The following TFRC variants were observed in gnomAD, a reference collection of about 807,000 sequenced individuals.
TFRC encodes transferrin receptor, also known as transferrin receptor protein 1.
In TFRC, 35 loss-of-function variants were observed where a neutral mutation model predicts 85.8. The observed-to-expected ratio is 0.41, with a 90% confidence interval of 0.31 to 0.54. TFRC has a LOEUF of 0.54. TFRC is among the 20% of genes least tolerant of loss of function. The pLI is 0.31. For synonymous variants in TFRC, 362 were observed against 328.6 expected, an observed-to-expected ratio of 1.10 and a Z score of -1.10; for missense variants, 828 against 921.5, an observed-to-expected ratio of 0.90 and a Z score of 1.31.
chr3:196,059,705 T>C (rs1248103370), intron 14 of TFRC, among the ~76,000 whole-genome samples: 1 of 151,772 alleles, frequency 6.6e-6, no homozygotes, highest in African/African-American at 2.4e-5. Flanking sequence ...GCTGGTGCAC[T>C]GCACCCACTA....
In TFRC at chr3:196,064,301, T is replaced by C. The variant is rs1717527309; in HGVS notation, c.1318+8A>G. The C allele has an allele frequency of 1.9e-6, 3 of 1,605,132 alleles. No homozygotes were observed. Among genetic ancestry groups the C allele is most frequent in the East Asian group, 2.2e-5 (1 of 44,738 alleles). On this transcript the variant is annotated splice_region_variant and intron_variant, in intron 11 of 18. Coordinates refer to ENST00000360110, the MANE Select transcript of TFRC (RefSeq NM_001128148.3). ...CAATATTCAAAAGAATCAAAATTTG[T>C]ACTCTACCTTTTAAGACCATATCTG... is the stretch of plus-strand genomic sequence containing the variant.
chr3:196,076,000 T>C (rs567479991), intron 2 of TFRC, among the ~76,000 whole-genome samples: 1 of 149,050 alleles, frequency 6.7e-6, no homozygotes, highest in East Asian at 2.0e-4. Context: ...TAGCTGGGCA[T>C]GGTGTCGCAC....
chr3:196,073,875 C>T, intron 4 of TFRC, 55 bp downstream of exon 4: 1 of 1,544,480 alleles, frequency 6.5e-7, no homozygotes, highest in South Asian at 1.2e-5. Context: ...TCCCCGTGGC[C>T]TATCATAATT....
intron 6 of TFRC, among the ~76,000 whole-genome samples, chr3:196,070,810 A>AATAATAATAATAATAAT (rs1560084312): frequency 3.2e-5 from 2 of 63,470 alleles, no homozygotes; most frequent in Non-Finnish European, 5.5e-5. Context: ...ATAATAATAA[A>AATAATAATAATAATAAT]ATAAAAAATA....
rs767665648 is a variant in TFRC, at chr3:196,053,576, C to T, written c.1900-18G>A. The T allele has an allele frequency of 9.9e-6, 16 of 1,612,714 alleles. No homozygotes were observed. Among genetic ancestry groups the T allele is most frequent in the Middle Eastern group, 3.3e-4 (2 of 6,078 alleles). ...CCCATTTCCTGAAACAGACATTATT[C>T]GCTATGAGAAGTTTTATTTCTAAGG... On this transcript the variant is annotated intron_variant, in intron 17 of 18. Coordinates refer to ENST00000360110, the MANE Select transcript of TFRC (RefSeq NM_001128148.3).
rs1716337143 is a variant in TFRC at position 196,051,887 on chromosome 3, CAA to C, written c.*53_*54del. 1.5e-5 allele frequency: 23 copies of C among 1,579,220 alleles called. No homozygotes were observed. The highest frequency in any genetic ancestry group is 2.0e-5 in the Non-Finnish European group (23 of 1,162,644). On this transcript the variant is annotated 3_prime_UTR_variant, in exon 19 of 19. Coordinates refer to ENST00000360110, the MANE Select transcript of TFRC (RefSeq NM_001128148.3). ...TACTGAAAATTTAGCACGATCAGCA[CAA>C]GTCTAGAAACCAGACTACCCTGCTG...
intron 3 of TFRC, 152 bp downstream of exon 3, chr3:196,075,007 C>T (rs1718542121): frequency 1.1e-5 from 8 of 718,156 alleles, no homozygotes; most frequent in Admixed American, 6.3e-5. Flanking sequence ...CATGGTGCCA[C>T]TGCACTCTAG....
intron 10 of TFRC, among the ~76,000 whole-genome samples, chr3:196,064,801 G>C (rs1717578198): frequency 6.6e-6 from 1 of 152,324 alleles, no homozygotes; most frequent in African/African-American, 2.4e-5. Flanking sequence ...CCACAGAGTT[G>C]AACAGCTAAA....
intron 11 of TFRC, chr3:196,063,300 T>C (rs1717440126): frequency 6.3e-6 from 1 of 159,002 alleles, no homozygotes; most frequent in African/African-American, 2.4e-5. Context: ...AGCATGATGA[T>C]GCACATCTTG....
chr3:196,072,578 T>C (rs1718301556), intron 4 of TFRC, among the ~76,000 whole-genome samples: 2 of 152,312 alleles, frequency 1.3e-5, no homozygotes, highest in South Asian at 4.1e-4. Flanking sequence ...CTTCTTTCTA[T>C]TTACTCAGCA....
chr3:196,068,525 C>T (rs751006246), intron 7 of TFRC, among the ~76,000 whole-genome samples: 11 of 143,064 alleles, frequency 7.7e-5, no homozygotes, highest in African/African-American at 1.0e-4. Context: ...GCAGGAGAAT[C>T]GCTTGAAACC....
Position 196,068,103 on chromosome 3 carries a change from T to A in TFRC, c.829A>T (p.Ile277Phe). 1 of 1,612,946 alleles carries A rather than the reference T, an allele frequency of 6.2e-7. No homozygotes were observed. ...TGGTCCATGTATATCAACACACCAA[T>A]TGCATTTAAGCTTTCAGCATTTGCA... ...KVANAESLNA[I>F]GVLIYMDQTK... Residue 277 changes from isoleucine (I) to phenylalanine (F), a missense_variant, in exon 8 of 19, where the codon ATT (isoleucine) becomes TTT (phenylalanine). Transcript: ENST00000360110.
At chr3:196,058,226 C>T (rs1716976297) in intron 16 of TFRC, 58 bp downstream of exon 16, 4 of 1,426,118 alleles carry the variant, frequency 2.8e-6, no homozygotes, top group Non-Finnish European at 3.9e-6. Context: ...TTCCCAAATA[C>T]AGATCACTTC....
intron 13 of TFRC, among the ~76,000 whole-genome samples, chr3:196,062,096 C>CA (rs918059365): frequency 2.0e-5 from 3 of 151,296 alleles, no homozygotes; most frequent in African/African-American, 7.3e-5. Flanking sequence ...CCCATCTCTA[C>CA]AAAAAAAATT....
chr3:196,077,009 T>C, intron 2 of TFRC, 55 bp downstream of exon 2: 2 of 1,518,514 alleles, frequency 1.3e-6, no homozygotes, highest in Non-Finnish European at 1.8e-6. Flanking sequence ...GTTAAAGTCA[T>C]GCTTGTATAT....
chr3:196,052,758 A>G (rs1048343448), intron 18 of TFRC, among the ~76,000 whole-genome samples: 31 of 152,030 alleles, frequency 2.0e-4, no homozygotes, highest in African/African-American at 7.2e-4. Context: ...CAGACTTTCT[A>G]TAGCAGAGTA....
rs1716365892 is a variant in TFRC at position 196,052,131 on chromosome 3, T to G, written c.2094A>C (p.Arg698=). Residue 698 remains arginine (R), a synonymous_variant, in exon 19 of 19, where the codon CGA becomes CGC. Transcript: ENST00000360110. ...PYVSPKESPF[R]HVFWGSGSHT... Reference sequence around the variant, plus strand: ...GAGAGCCGGAGCCCCAGAAGACATGTCGGAAAGGAGACTCTTTTGGAGATA... The same window carrying G: ...GAGAGCCGGAGCCCCAGAAGACATGGCGGAAAGGAGACTCTTTTGGAGATA... 6.2e-7 allele frequency: 1 copy of G among 1,613,942 alleles called. No individual in the cohort carries two copies. Among genetic ancestry groups the G allele is most frequent in the Non-Finnish European group, 8.5e-7 (1 of 1,179,996 alleles).
chr3:196,071,404 T>G lies in TFRC; in HGVS notation c.679A>C (p.Thr227Pro). 6.2e-7 allele frequency: 1 copy of G among 1,613,906 alleles called. No individual in the cohort carries two copies. Among genetic ancestry groups the G allele is most frequent in the Non-Finnish European group, 8.5e-7 (1 of 1,179,812 alleles). ...GGYVAYSKAA[T>P]VTGKLVHANF... ...TGTTTTGCTTTACTTACAGTAACTG[T>G]TGCAGCCTTACTATACGCCACATAA... The change falls in exon 6 of 19, where the codon ACA becomes CCA. Residue 227 changes from threonine to proline, a missense_variant. Physicochemically the swap from Thr to Pro is conservative, Grantham distance 38. Coordinates refer to ENST00000360110, the MANE Select transcript of TFRC (RefSeq NM_001128148.3).
chr3:196,065,413 G>T, intron 10 of TFRC, 30 bp downstream of exon 10: 3 of 769,654 alleles, frequency 3.9e-6, no homozygotes, highest in Non-Finnish European at 5.0e-6. Flanking sequence ...AAAAAAAAGC[G>T]GGGCGGGGGG....
Sources: allele counts gnomAD v4.1 joint callset (sites outside exome capture counted in the v4.1 genomes callset), GRCh38; gene constraint gnomAD v4.1.1; transcripts MANE v1.5; gene names NCBI Gene and HGNC (gene_info 2026-07-23, HGNC 2026-07-21).